ACOT7: variants seen among roughly 807,000 people sequenced by gnomAD.
ACOT7 encodes the protein acyl-CoA thioesterase 7, also known as cytosolic acyl coenzyme A thioester hydrolase.
A neutral mutation model predicts 40.2 loss-of-function variants in ACOT7; 12 were observed. The observed-to-expected ratio is 0.30, with a 90% CI of 0.19 to 0.48. ACOT7 has a LOEUF of 0.48. Among genes scored for constraint, ACOT7 ranks in the 20% least tolerant of loss-of-function variants. The pLI, the probability that ACOT7 is intolerant of heterozygous loss-of-function variation, is 0.99. For synonymous variants in ACOT7, 228 were observed against 219.5 expected (o/e 1.04, Z -0.34); for missense variants, 395 against 530.8 (o/e 0.74, Z 2.51).
chr1:6,320,937 T>C (rs1219337405), intron 5 of ACOT7, among the ~76,000 whole-genome samples: 1 of 152,212 alleles, frequency 6.6e-6, no homozygotes, highest in Non-Finnish European at 1.5e-5. Flanking sequence ...ATGAGTTACC[T>C]ACACTTGCAC....
rs1639764360 is a variant in ACOT7 at position 6,294,723 on chromosome 1, C to T, written c.829+141G>A. 1.6e-6 allele frequency: 1 copy of T among 643,994 alleles called. No homozygotes were observed. The allele number at this position is 643,994 out of a possible 1,614,324, so 39.9% of individuals were successfully genotyped here. On this transcript the variant is annotated intron_variant, in intron 7 of 8. Coordinates refer to ENST00000361521, the MANE Select transcript of ACOT7 (RefSeq NM_007274.4). This position sits in a 1 kb window ranked among gnomAD's most constrained non-coding sequence, Gnocchi z 4.6. ...TAAACAGCAAGGACAAAGAAAGAAA[C>T]CTCAGCTTCCTGTTCCCTGTGGCAG...
rs1642422383 is a variant in ACOT7, at chr1:6,385,539, CCA to C, written c.143+7716_143+7717del. ...ACAGGGTGGGAGATCAGCCCTGGGC[CCA>C]ACCACCTGGACGGGAGCGCAGCACC... is the stretch of plus-strand genomic sequence containing the variant. On this transcript the variant is annotated intron_variant, in intron 1 of 8. Transcript: ENST00000361521. 8 of 1,612,322 alleles carry C rather than the reference CCA, an allele frequency of 5.0e-6. 1 individual carries two copies. Among genetic ancestry groups the C allele is most frequent in the Non-Finnish European group, 6.8e-6 (8 of 1,179,218 alleles).
chr1:6,353,951 T>C (rs1641667490), intron 1 of ACOT7, among the ~76,000 whole-genome samples: 1 of 152,170 alleles, frequency 6.6e-6, no homozygotes. Context: ...CTCTATCTTC[T>C]GCCTGCCGGG....
intron 1 of ACOT7, among the ~76,000 whole-genome samples, chr1:6,369,170 G>A (rs1326231453): frequency 1.3e-5 from 2 of 151,566 alleles, no homozygotes; most frequent in African/African-American, 2.4e-5. Context: ...TAGTAGAGAC[G>A]AGGTTTCACC....
At chr1:6,389,261 G>C (rs1291596569) in intron 1 of ACOT7, among the ~76,000 whole-genome samples, 1 of 151,612 alleles carries the variant, frequency 6.6e-6, no homozygotes, top group Non-Finnish European at 1.5e-5. Flanking sequence ...GCATCTAAGA[G>C]CATGGCAAGC....
At position 6,393,323 on chromosome 1, in the gene ACOT7, G is replaced by A. The variant is rs780737492; in HGVS notation, c.77C>T (p.Ser26Phe). The A allele has an allele frequency of 5.5e-5, 70 of 1,269,102 alleles. No homozygotes were observed. The highest frequency in any genetic ancestry group is 2.3e-4 in the Middle Eastern group (1 of 4,408). The allele number at this position is 1,269,102 out of a possible 1,614,324, so 78.6% of individuals were successfully genotyped here. A position where few individuals can be genotyped will look rare whatever the true frequency, so the allele number is the denominator to read the frequency against. ...CGACATGCTGGGGGCTGCGGCGGCG[G>A]ATGCGGCGGGCGGCTGCAGAAGGGC... ...TCALLQPPAASAAAAPSMSGP... is the reference protein window; with the variant it reads ...TCALLQPPAAFAAAAPSMSGP... The change falls in exon 1 of 9, where the codon TCC becomes TTC. Residue 26 changes from serine to phenylalanine, a missense_variant. By Grantham distance (155) the Ser-to-Phe change is radical. Around this residue, in one of 2 missense-constraint regions of ACOT7, gnomAD observed 86 missense variants for 60.5 expected, o/e 1.42. Coordinates refer to ENST00000361521, the MANE Select transcript of ACOT7 (RefSeq NM_007274.4).
intron 5 of ACOT7, among the ~76,000 whole-genome samples, chr1:6,319,813 T>C (rs1019366249): frequency 2.6e-5 from 4 of 152,192 alleles, no homozygotes; most frequent in African/African-American, 9.6e-5. Context: ...GATCCGCCTT[T>C]CTGGGGTCAG....
Position 6,306,824 on chromosome 1 carries a change from G to A in ACOT7, c.712+11668C>T, listed in dbSNP as rs1222486773. 20 of 1,288,996 alleles carry A rather than the reference G, an allele frequency of 1.6e-5. No homozygotes were observed. Among genetic ancestry groups the A allele is most frequent in the Non-Finnish European group, 1.8e-5 (18 of 988,674 alleles). The allele number at this position is 1,288,996 out of a possible 1,614,324, so 79.8% of individuals were successfully genotyped here. A position where few individuals can be genotyped will look rare whatever the true frequency, so the allele number is the denominator to read the frequency against. On this transcript the variant is annotated intron_variant, in intron 6 of 8. Coordinates refer to ENST00000361521, the MANE Select transcript of ACOT7 (RefSeq NM_007274.4). This position sits in a 1 kb window ranked among gnomAD's most constrained non-coding sequence, Gnocchi z 4.3. ...GGGGGCTCCGGCCAAACAAGGTCACGGAATTGGAAAAGAGTAACTGTGCCC... is the reference window on the plus strand; with the variant it reads ...GGGGGCTCCGGCCAAACAAGGTCACAGAATTGGAAAAGAGTAACTGTGCCC...
Position 6,275,986 on chromosome 1 carries a change from G to A in ACOT7, c.1014+5116C>T, listed in dbSNP as rs1381084318. On this transcript the variant is annotated intron_variant, in intron 8 of 8. Transcript: ENST00000361521. This position sits in a 1 kb window ranked among gnomAD's most constrained non-coding sequence, Gnocchi z 5.6. ...TCTGGGGACACATCCCCTCCCCAGT[G>A]TGCCCAGGAAGCAGTGGGGTCACGG... Among the ~76,000 whole-genome samples the A allele has an allele frequency of 1.3e-5, 2 of 152,178 alleles. No homozygotes were observed. Among genetic ancestry groups the A allele is most frequent in the Non-Finnish European group, 2.9e-5 (2 of 68,030 alleles).
In ACOT7 at chr1:6,299,659, A is replaced by AGC. The variant is rs1491534253; in HGVS notation, c.713-4681_713-4680dup. On this transcript the variant is annotated intron_variant, in intron 6 of 8. Transcript: ENST00000361521. This position sits in a 1 kb window ranked among gnomAD's most constrained non-coding sequence, Gnocchi z 4.1. ...TGGCTTCAGAGAGAGAGAGAGAGAG[A>AGC]GCGCAAGTGTGTGTGTGTGTGTGTG... 1.4e-5 allele frequency among the ~76,000 whole-genome samples: 2 copies of AGC among 143,058 alleles called. No individual in the cohort carries two copies. The highest frequency in any genetic ancestry group is 5.5e-5 in the African/African-American group (2 of 36,624). The allele number at this position is 143,058 out of a possible 152,430, so 93.9% of individuals were successfully genotyped here. A position where few individuals can be genotyped will look rare whatever the true frequency, so the allele number is the denominator to read the frequency against.
chr1:6,353,600 C>T (rs931570797), intron 1 of ACOT7, among the ~76,000 whole-genome samples: 9 of 152,244 alleles, frequency 5.9e-5, no homozygotes, highest in Non-Finnish European at 4.4e-5. Flanking sequence ...TGCCACTGCA[C>T]TCCAGCCTGG....
intron 5 of ACOT7, among the ~76,000 whole-genome samples, chr1:6,323,732 AAAAAAATATATAT>A (rs1318981407): frequency 1.2e-3 from 107 of 92,808 alleles, no homozygotes; most frequent in Non-Finnish European, 1.5e-3. Flanking sequence ...AAAAAAAAAA[AAAAAAATATATAT>A]ATATATATAT....
rs1397134650 is a variant in ACOT7, at chr1:6,306,828, T to G, written c.712+11664A>C. The G allele has an allele frequency of 7.8e-7, 1 of 1,289,124 alleles. No individual in the cohort carries two copies. The highest frequency in any genetic ancestry group is 1.0e-6 in the Non-Finnish European group (1 of 988,680). The allele number at this position is 1,289,124 out of a possible 1,614,324, so 79.9% of individuals were successfully genotyped here. ...GCTCCGGCCAAACAAGGTCACGGAA[T>G]TGGAAAAGAGTAACTGTGCCCTCTT... On this transcript the variant is annotated intron_variant, in intron 6 of 8. Transcript: ENST00000361521. This position sits in a 1 kb window ranked among gnomAD's most constrained non-coding sequence, Gnocchi z 4.3.
intron 8 of ACOT7, among the ~76,000 whole-genome samples, chr1:6,276,566 G>A (rs1199870683): frequency 6.6e-6 from 1 of 152,118 alleles, no homozygotes; most frequent in Non-Finnish European, 1.5e-5. Context: ...AAATAGACAG[G>A]AGGCTGAAGA....
At chr1:6,346,847 C>T (rs545497017) in intron 2 of ACOT7, among the ~76,000 whole-genome samples, 9 of 152,186 alleles carry the variant, frequency 5.9e-5, no homozygotes, top group Non-Finnish European at 1.2e-4. Flanking sequence ...GATCTGCTCC[C>T]AGAGCCTCAT....
At chr1:6,264,842 G>T in intron 8 of ACOT7, 147 bp from the exon 9 acceptor site, 1 of 783,450 alleles carries the variant, frequency 1.3e-6, no homozygotes, top group Non-Finnish European at 2.0e-6. Context: ...GGCCCCGCTG[G>T]CCTCCTGGGA....
chr1:6,293,649 AGGGATT>A (rs1315797467), intron 7 of ACOT7, among the ~76,000 whole-genome samples: 2 of 152,238 alleles, frequency 1.3e-5, no homozygotes, highest in Non-Finnish European at 2.9e-5. Flanking sequence ...TACAGTGAGC[AGGGATT>A]GCACCACTGT....
At chr1:6,370,457 GTAT>G (rs34962967) in intron 1 of ACOT7, among the ~76,000 whole-genome samples, 15,142 of 140,644 alleles carry the variant, frequency 0.11, 851 homozygotes, top group South Asian at 0.12. Context: ...AGCAGTGTTA[GTAT>G]TATTATTATT....
intron 6 of ACOT7, among the ~76,000 whole-genome samples, chr1:6,305,369 C>CG (rs1468959361): frequency 2.1e-5 from 3 of 146,104 alleles, no homozygotes; most frequent in Non-Finnish European, 4.5e-5. Flanking sequence ...GCTGGCCGGG[C>CG]GGGGGGCTGA....
Sources: gnomAD v4.1 joint callset for allele counts (sites outside exome capture counted in the v4.1 genomes callset) on GRCh38, gnomAD v4.1.1 for gene constraint, gnomAD v4.1.1 regional missense constraint, Gnocchi (gnomAD v3.1) non-coding constraint, MANE v1.5 for transcripts, NCBI Gene and HGNC (gene_info 2026-07-23, HGNC 2026-07-21) for gene names.